The following KLHL17 variants were observed in gnomAD, a reference collection of about 807,000 sequenced individuals.
KLHL17 encodes kelch like family member 17.
KLHL17 carries 71 observed loss-of-function variants against 64.6 expected under a neutral mutation model. The ratio of observed to expected loss-of-function variants is 1.10; its 90% CI spans 0.91 to 1.34. The LOEUF is 1.34. Ranked by LOEUF, KLHL17 falls within the 40% of genes most tolerant of loss-of-function variation. The pLI is 0.00. For missense variants in KLHL17, 1,140 were observed against 935.0 expected, an observed-to-expected ratio of 1.22 and a Z score of -2.86; for synonymous variants, 612 against 405.4, an observed-to-expected ratio of 1.51 and a Z score of -6.12.
Position 963,110 on chromosome 1 carries a change from C to T in KLHL17, c.1044C>T (p.Gly348=), listed in dbSNP as rs1430853660. The T allele has an allele frequency of 2.5e-6, 4 of 1,611,426 alleles. No homozygotes were observed. Among genetic ancestry groups the T allele is most frequent in the East Asian group, 2.2e-5 (1 of 44,816 alleles). The change falls in exon 7 of 12, where the codon GGC becomes GGT. Residue 348 remains glycine (G), a splice_region_variant and synonymous_variant. Transcript: ENST00000338591. Reference sequence around the variant, plus strand: ...CCCGTCTCCACCTGCCCTCCCCAGGCGGCGGGAGCCTGTTTGCCATCCACG... The same window carrying T: ...CCCGTCTCCACCTGCCCTCCCCAGGTGGCGGGAGCCTGTTTGCCATCCACG... ...EGAGPVLFAV[G]GGSLFAIHGD... is the part of the protein sequence containing the mutation.
chr1:960,849 G>T lies in KLHL17; in HGVS notation c.107+49G>T, dbSNP rs1397946259. On this transcript the variant is annotated intron_variant, in intron 1 of 11. Coordinates refer to ENST00000338591, the MANE Select transcript of KLHL17 (RefSeq NM_198317.3). ...CGGGGGGCGGCCTCGGGACCTGCGC[G>T]GCCCCCGCCCTCGCGTCCGCTCGCA... 5.1e-6 allele frequency: 5 copies of T among 981,134 alleles called. No individual in the cohort carries two copies. In the East Asian group the frequency reaches 5.6e-4, roughly 110 times the overall value. 60.8% of individuals were successfully genotyped at this position (981,134 alleles called of 1,614,324 possible). A position where few individuals can be genotyped will look rare whatever the true frequency, so the allele number is the denominator to read the frequency against.
At chr1:961,577 G>A (rs1165984541) in intron 2 of KLHL17, 25 bp downstream of exon 2, 2 of 1,612,592 alleles carry the variant, frequency 1.2e-6, no homozygotes, top group African/African-American at 2.7e-5. Flanking sequence ...GGGCGGCGCT[G>A]GGGGCTCCGT....
rs761549889 is a variant in KLHL17 at position 961,275 on chromosome 1, C to G, written c.108-18C>G. 6.8e-7 allele frequency: 1 copy of G among 1,459,862 alleles called. No individual in the cohort carries two copies. The highest frequency in any genetic ancestry group is 1.4e-5 in the South Asian group (1 of 73,772). 90.4% of individuals were successfully genotyped at this position (1,459,862 alleles called of 1,614,324 possible). ...GCGGCTCCAGCGGGGCGAAGCCTGA[C>G]CCGCCCGCCTCCTGCAGCCCCGAGG... On this transcript the variant is annotated intron_variant, in intron 1 of 11. Transcript: ENST00000338591.
In KLHL17 at chr1:963,915, C is replaced by T. The variant is rs764282574; in HGVS notation, c.1356-5C>T. ...GAGCTGTGGCTGCGGTCCTGGTGCC[C>T]ACAGTGCTGAACGCTACGACCCCCT... On this transcript the variant is annotated splice_region_variant and splice_polypyrimidine_tract_variant and intron_variant, in intron 8 of 11. Coordinates refer to ENST00000338591, the MANE Select transcript of KLHL17 (RefSeq NM_198317.3). The T allele has an allele frequency of 6.2e-7, 1 of 1,612,108 alleles. No homozygotes were observed. Among genetic ancestry groups the T allele is most frequent in the South Asian group, 1.1e-5 (1 of 91,066 alleles).
chr1:961,184 C>T (rs1041297355), intron 1 of KLHL17, 109 bp from the exon 2 acceptor site: 45 of 809,656 alleles, frequency 5.6e-5, no homozygotes, highest in Admixed American at 4.9e-5. Context: ...TGCCGGCGCC[C>T]CCGTCGCACC....
Position 963,993 on chromosome 1 carries a change from C to G in KLHL17, c.1429C>G (p.Arg477Gly). 5 of 1,612,614 alleles carry G rather than the reference C, an allele frequency of 3.1e-6. No individual in the cohort carries two copies. The highest frequency in any genetic ancestry group is 4.2e-6 in the Non-Finnish European group (5 of 1,179,936). Residue 477 changes from arginine to glycine, a missense_variant, in exon 9 of 12, where the codon CGA becomes GGA. Coordinates refer to ENST00000338591, the MANE Select transcript of KLHL17 (RefSeq NM_198317.3). ...AAMSTRRRYV[R>G]VATLDGNLYA... ...CATGAGCACCCGGAGGCGCTATGTGCGAGTGGCCACGCTTGGTGGGTGATG... is the reference window on the plus strand; with the variant it reads ...CATGAGCACCCGGAGGCGCTATGTGGGAGTGGCCACGCTTGGTGGGTGATG...
Position 965,472 on chromosome 1 carries a change from G to A in KLHL17, c.*281G>A. On this transcript the variant is annotated 3_prime_UTR_variant, in exon 12 of 12. Transcript: ENST00000338591. ...CCAGGCGGGGGCCTCACCGCCCCAG[G>A]GCCGTTGCCTGCTCAGACCTTGCAG... is the stretch of plus-strand genomic sequence containing the variant. 1 of 502,084 alleles carries A rather than the reference G, an allele frequency of 2.0e-6. No individual in the cohort carries two copies. The highest frequency in any genetic ancestry group is 3.5e-6 in the Non-Finnish European group (1 of 283,266). 31.1% of individuals were successfully genotyped at this position (502,084 alleles called of 1,614,324 possible).
chr1:962,554 C>T (rs1030379207), intron 5 of KLHL17, 83 bp downstream of exon 5: 28 of 1,562,656 alleles, frequency 1.8e-5, no homozygotes, highest in South Asian at 1.7e-4. Flanking sequence ...TGACCTTCCC[C>T]GAGTTCAGGG....
chr1:965,568 G>C lies in KLHL17; in HGVS notation c.*377G>C, dbSNP rs1323854863. 1 of 266,430 alleles carries C rather than the reference G, an allele frequency of 3.8e-6. No individual in the cohort carries two copies. Among genetic ancestry groups the C allele is most frequent in the Non-Finnish European group, 7.1e-6 (1 of 140,404 alleles). 16.5% of individuals were successfully genotyped at this position (266,430 alleles called of 1,614,324 possible). On this transcript the variant is annotated 3_prime_UTR_variant, in exon 12 of 12. Coordinates refer to ENST00000338591, the MANE Select transcript of KLHL17 (RefSeq NM_198317.3). ...CCAGCTCGAATTTTGCACATGGCGGGGTCCCGGGAAGGGTGGGGAGCAGTT... is the reference window on the plus strand; with the variant it reads ...CCAGCTCGAATTTTGCACATGGCGGCGTCCCGGGAAGGGTGGGGAGCAGTT...
rs200852961 is a variant in KLHL17, at chr1:963,080, C to T, written c.1043-29C>T. ...GTGGCCCAGCAGTGGGATCCACTCA[C>T]GAGTCCCGTCTCCACCTGCCCTCCC... On this transcript the variant is annotated intron_variant, in intron 6 of 11. Transcript: ENST00000338591. 10 of 1,606,738 alleles carry T rather than the reference C, an allele frequency of 6.2e-6. No homozygotes were observed. In the South Asian group the frequency reaches 6.7e-5, roughly 11 times the overall value.
rs1406953743 is a variant in KLHL17 at position 962,870 on chromosome 1, C to T, written c.995C>T (p.Thr332Ile). 2 of 1,585,232 alleles carry T rather than the reference C, an allele frequency of 1.3e-6. No individual in the cohort carries two copies. The highest frequency in any genetic ancestry group is 1.7e-6 in the Non-Finnish European group (2 of 1,170,364). Residue 332 changes from threonine (T) to isoleucine (I), a missense_variant, in exon 6 of 12, where the codon ACA becomes ATA. Physicochemically the swap from Thr to Ile is moderately conservative, Grantham distance 89. Coordinates refer to ENST00000338591, the MANE Select transcript of KLHL17 (RefSeq NM_198317.3). ...AGGGGCGTCCTAGGCACCAGCCGCA[C>T]ACGTCCCCGGCGCTGCGAGGGGGCC... ...EQRGVLGTSRTRPRRCEGAGP... is the reference protein window; with the variant it reads ...EQRGVLGTSRIRPRRCEGAGP...
chr1:965,289 C>T lies in KLHL17; in HGVS notation c.*98C>T, dbSNP rs1642898947. ...GCGCCATCCGTTCACGTCTCTGCAT[C>T]CATTCCTTCATGTCTTTATTTAGTT... On this transcript the variant is annotated 3_prime_UTR_variant, in exon 12 of 12. Coordinates refer to ENST00000338591, the MANE Select transcript of KLHL17 (RefSeq NM_198317.3). The T allele has an allele frequency of 5.6e-6, 5 of 893,004 alleles. No individual in the cohort carries two copies. The highest frequency in any genetic ancestry group is 3.4e-5 in the African/African-American group (2 of 58,992). The allele number at this position is 893,004 out of a possible 1,614,324, so 55.3% of individuals were successfully genotyped here.
Position 963,252 on chromosome 1 carries a change from G to A in KLHL17, c.1186G>A (p.Gly396Ser), listed in dbSNP as rs765440335. 20 of 1,601,376 alleles carry A rather than the reference G, an allele frequency of 1.2e-5. No homozygotes were observed. Among genetic ancestry groups the A allele is most frequent in the East Asian group, 4.5e-5 (2 of 44,518 alleles). Reference sequence around the variant, plus strand: ...GGGGAACCGGCTCTATGCTGTGGGCGGGTAAGCCTGGAGGCTGGACTTGGG... The same window carrying A: ...GGGGAACCGGCTCTATGCTGTGGGCAGGTAAGCCTGGAGGCTGGACTTGGG... The part of the protein sequence containing the change: ...AVGNRLYAVG[G>S]YDGTSDLATV... Residue 396 changes from glycine to serine, a missense_variant and splice_region_variant, in exon 7 of 12, where the codon GGC (glycine) becomes AGC (serine). Physicochemically the swap from Gly to Ser is moderately conservative, Grantham distance 56. Coordinates refer to ENST00000338591, the MANE Select transcript of KLHL17 (RefSeq NM_198317.3).
intron 8 of KLHL17, 194 bp from the exon 9 acceptor site, chr1:963,726 G>A (rs1266081033): frequency 3.7e-6 from 3 of 815,696 alleles, no homozygotes; most frequent in Non-Finnish European, 5.7e-6. Context: ...GCTGGGCCCA[G>A]GTGGGTGTGC....
In KLHL17 at chr1:960,817, C is replaced by G; in HGVS notation, c.107+17C>G. The G allele has an allele frequency of 1.0e-6, 1 of 995,770 alleles. No homozygotes were observed. Among genetic ancestry groups the G allele is most frequent in the African/African-American group, 1.8e-5 (1 of 56,568 alleles). The allele number at this position is 995,770 out of a possible 1,614,324, so 61.7% of individuals were successfully genotyped here. On this transcript the variant is annotated intron_variant, in intron 1 of 11. Coordinates refer to ENST00000338591, the MANE Select transcript of KLHL17 (RefSeq NM_198317.3). ...GCCGCCGGCGTGAGTGGGCGGGGGT[C>G]GGGGCGCGGGGGGCGGCCTCGGGAC...
chr1:961,988 C>CTGCA lies in KLHL17; in HGVS notation c.653_656dup (p.Gln219HisfsTer27). 2 of 1,612,952 alleles carry CTGCA rather than the reference C, an allele frequency of 1.2e-6. No individual in the cohort carries two copies. Among genetic ancestry groups the CTGCA allele is most frequent in the Non-Finnish European group, 1.7e-6 (2 of 1,180,026 alleles). ...GCTCAAGGCCGCCCACAGGTACGTGCTGCAGCACTTCGTGGACGTGGCCAA... is the reference window on the plus strand; with the variant it reads ...GCTCAAGGCCGCCCACAGGTACGTGCTGCATGCAGCACTTCGTGGACGTGGCCAA... On this transcript the variant is annotated frameshift_variant, in exon 4 of 12. Coordinates refer to ENST00000338591, the MANE Select transcript of KLHL17 (RefSeq NM_198317.3). LOFTEE classifies it high-confidence loss of function.
rs762575760 is a variant in KLHL17 at position 964,363 on chromosome 1, G to T, written c.1533G>T (p.Ser511=). Residue 511 remains serine (S), a synonymous_variant, in exon 11 of 12, where the codon TCG becomes TCT. Transcript: ENST00000338591. The stretch of plus-strand genomic sequence containing the variant: ...CTCGCCCCCAGGTGAACGTGTGGTC[G>T]CCCGTGGCGTCCATGCTGAGCCGAC... ...EKYEPQVNVW[S]PVASMLSRRS... 1.0e-5 allele frequency: 16 copies of T among 1,554,696 alleles called. No homozygotes were observed. Among genetic ancestry groups the T allele is most frequent in the Non-Finnish European group, 7.8e-6 (9 of 1,151,392 alleles).
chr1:964,236 CCTCT>C (rs1440331908), intron 10 of KLHL17, 56 bp downstream of exon 10: 21 of 1,603,898 alleles, frequency 1.3e-5, no homozygotes, highest in East Asian at 6.7e-5. Flanking sequence ...GGCCCTCCTC[CCTCT>C]GTTTACCCAC....
rs1569998047 is a variant in KLHL17, at chr1:965,257, A to C, written c.*66A>C. On this transcript the variant is annotated 3_prime_UTR_variant, in exon 12 of 12. Coordinates refer to ENST00000338591, the MANE Select transcript of KLHL17 (RefSeq NM_198317.3). ...AAGGGGACCGTGGCCCCCACCAGGG[A>C]CGTCCTGCGCCATCCGTTCACGTCT... The C allele has an allele frequency of 7.4e-7, 1 of 1,351,404 alleles. No homozygotes were observed. Among genetic ancestry groups the C allele is most frequent in the Non-Finnish European group, 1.0e-6 (1 of 960,570 alleles). 83.7% of individuals were successfully genotyped at this position (1,351,404 alleles called of 1,614,324 possible).
Sources: allele counts gnomAD v4.1 joint callset, GRCh38; gene constraint gnomAD v4.1.1; transcripts MANE v1.5; gene names NCBI Gene and HGNC (gene_info 2026-07-23, HGNC 2026-07-21).